The following KDM4C variants were observed in gnomAD, a reference collection of about 807,000 sequenced individuals.
The protein encoded by KDM4C is lysine demethylase 4C.
Under a neutral mutation model 129.3 loss-of-function variants are expected in KDM4C, and 81 were observed. The observed-to-expected ratio is 0.63, with a 90% CI of 0.52 to 0.75. KDM4C has a LOEUF of 0.75. Ranked by LOEUF, KDM4C falls within the 30% of genes least tolerant of loss-of-function variation. The probability of loss-of-function intolerance (pLI) is 0.00; values close to 1 mark genes in which losing one functional copy is unlikely to be tolerated. For missense variants in KDM4C, 1,457 were observed against 1,304.0 expected, an observed-to-expected ratio of 1.12 and a Z score of -1.81; for synonymous variants, 573 against 456.1, an observed-to-expected ratio of 1.26 and a Z score of -3.26.
chr9:7,170,333 G>T (rs1248862814), intron 21 of KDM4C: 1 of 1,017,106 alleles, frequency 9.8e-7, no homozygotes, highest in African/African-American at 1.7e-5. Flanking sequence ...ACTACCTTCT[G>T]TCTCAGAAAG....
At chr9:6,979,400 T>A (rs576932133) in intron 8 of KDM4C, among the ~76,000 whole-genome samples, 1 of 151,924 alleles carries the variant, frequency 6.6e-6, no homozygotes, top group African/African-American at 2.4e-5. Context: ...TGCAGGAAGG[T>A]GGTGTGGTAG....
intron 5 of KDM4C, among the ~76,000 whole-genome samples, chr9:6,875,896 C>T (rs1259472843): frequency 6.6e-6 from 1 of 152,184 alleles, no homozygotes; most frequent in East Asian, 1.9e-4. Flanking sequence ...ACTAGCAGCA[C>T]ATCTATTATA....
At chr9:7,091,088 G>C (rs1835743174) in intron 17 of KDM4C, among the ~76,000 whole-genome samples, 1 of 152,118 alleles carries the variant, frequency 6.6e-6, no homozygotes. Flanking sequence ...TTGCTTGGGG[G>C]CTCTATTTTT....
At chr9:6,850,399 A>G (rs1219840157) in intron 5 of KDM4C, among the ~76,000 whole-genome samples, 3 of 152,180 alleles carry the variant, frequency 2.0e-5, no homozygotes, top group African/African-American at 4.8e-5. Flanking sequence ...TGTAGTTTCA[A>G]ACCATCTTCA....
chr9:7,128,431 T>C (rs1840261099), intron 19 of KDM4C, among the ~76,000 whole-genome samples, 195 bp downstream of exon 19: 1 of 152,140 alleles, frequency 6.6e-6, no homozygotes, highest in Admixed American at 6.5e-5. Flanking sequence ...CAAACGTTAT[T>C]TGGCCAAGAA....
At chr9:6,904,369 C>T (rs747724458) in intron 8 of KDM4C, among the ~76,000 whole-genome samples, 3 of 151,066 alleles carry the variant, frequency 2.0e-5, no homozygotes, top group Non-Finnish European at 2.9e-5. Flanking sequence ...ATTGTTGTAG[C>T]GTATCCCAAA....
intron 2 of KDM4C, among the ~76,000 whole-genome samples, chr9:6,797,055 T>TACA (rs1827883585): frequency 1.3e-5 from 2 of 151,850 alleles, no homozygotes; most frequent in Admixed American, 6.6e-5. Flanking sequence ...CGTGGCTCAC[T>TACA]GCAGCCTTGA....
chr9:6,787,171 A>G lies in KDM4C; in HGVS notation c.-17-5801A>G, dbSNP rs551602301. On this transcript the variant is annotated intron_variant, in intron 1 of 21. Coordinates refer to ENST00000381309, the MANE Select transcript of KDM4C (RefSeq NM_015061.6). ...GTCAAGGTCTAGGTTTAATTCTAGT[A>G]GCCACTAATTTGCTGCATGTCTTAA... 1.6e-4 allele frequency among the ~76,000 whole-genome samples: 25 copies of G among 152,344 alleles called. 1 individual carries two copies. The South Asian group carries it at 4.8e-3, about 29-fold the overall frequency.
At chr9:6,807,454 C>A (rs1292169822) in intron 3 of KDM4C, among the ~76,000 whole-genome samples, 2 of 145,412 alleles carry the variant, frequency 1.4e-5, no homozygotes, top group African/African-American at 5.1e-5. Flanking sequence ...TCTTCCCAGC[C>A]GCCATCACAT....
chr9:7,078,149 T>A (rs1834130989), intron 17 of KDM4C, among the ~76,000 whole-genome samples: 1 of 152,238 alleles, frequency 6.6e-6, no homozygotes, highest in African/African-American at 2.4e-5. Context: ...CATATTGTCG[T>A]TGTCTCTGGA....
chr9:6,724,001 G>C (rs138952306), intron 1 of KDM4C: 2 of 152,182 alleles, frequency 1.3e-5, no homozygotes, highest in African/African-American at 4.8e-5. Context: ...AACAGTGATC[G>C]TGGGATGAAT....
chr9:6,860,358 T>C (rs1479454096), intron 5 of KDM4C, among the ~76,000 whole-genome samples: 1 of 152,194 alleles, frequency 6.6e-6, no homozygotes, highest in Non-Finnish European at 1.5e-5. Flanking sequence ...CGGAGGGTTT[T>C]GTTTCTCTCT....
chr9:7,160,127 G>A (rs189400762), intron 19 of KDM4C, among the ~76,000 whole-genome samples: 2 of 152,226 alleles, frequency 1.3e-5, no homozygotes, highest in East Asian at 3.9e-4. Flanking sequence ...CGAGTTGGCT[G>A]TTGAAGCTTG....
chr9:6,871,158 C>A (rs1842771106), intron 5 of KDM4C, among the ~76,000 whole-genome samples: 1 of 152,210 alleles, frequency 6.6e-6, no homozygotes, highest in Admixed American at 6.5e-5. Context: ...TACTGGTAAA[C>A]AAGTAAGTGG....
intron 7 of KDM4C, among the ~76,000 whole-genome samples, chr9:6,890,681 A>T (rs1430300008): frequency 6.6e-6 from 1 of 151,716 alleles, no homozygotes; most frequent in Non-Finnish European, 1.5e-5. Flanking sequence ...AGGGTAGAGA[A>T]GGTTTGTAGG....
chr9:6,742,820 C>T (rs984431559), intron 1 of KDM4C, among the ~76,000 whole-genome samples: 2 of 151,732 alleles, frequency 1.3e-5, no homozygotes, highest in African/African-American at 2.4e-5. Context: ...GGGAGTTTGA[C>T]GCAGAAAATG....
intron 15 of KDM4C, 24 bp from the exon 16 acceptor site, chr9:7,046,838 T>C (rs1177998794): frequency 1.5e-5 from 24 of 1,557,196 alleles, no homozygotes; most frequent in Non-Finnish European, 2.0e-5. Flanking sequence ...CTGGTCATCA[T>C]GTGGTATTTT....
intron 17 of KDM4C, among the ~76,000 whole-genome samples, chr9:7,063,220 C>T (rs553614173): frequency 7.9e-5 from 12 of 152,268 alleles, no homozygotes; most frequent in African/African-American, 2.9e-4. Flanking sequence ...TAATTGCTTT[C>T]AGTTCTGGAT....
chr9:6,736,386 C>T (rs1323947953), intron 1 of KDM4C, among the ~76,000 whole-genome samples: 1 of 152,170 alleles, frequency 6.6e-6, no homozygotes, highest in African/African-American at 2.4e-5. Context: ...CCTCCCATCA[C>T]AGGTCCAGAG....
Sources: allele counts gnomAD v4.1 joint callset (sites outside exome capture counted in the v4.1 genomes callset), GRCh38; gene constraint gnomAD v4.1.1; transcripts MANE v1.5; gene names NCBI Gene and HGNC (gene_info 2026-07-23, HGNC 2026-07-21).